The following ROS1 variants were observed in gnomAD, a reference collection of about 807,000 sequenced individuals.
The protein encoded by ROS1 is ROS proto-oncogene 1, receptor tyrosine kinase, also known as proto-oncogene tyrosine-protein kinase ROS.
ROS1 carries 263 observed loss-of-function variants against 273.5 expected under a neutral mutation model. The observed-to-expected ratio is 0.96, with a 90% CI of 0.87 to 1.06. The LOEUF (loss-of-function observed/expected upper bound fraction) is 1.06. ROS1 is among the 50% of genes least tolerant of loss of function. The pLI is 0.00. For missense variants in ROS1, 2,833 were observed against 2,751.1 expected (o/e 1.03, Z -0.67); for synonymous variants, 1,008 against 954.1 (o/e 1.06, Z -1.04).
chr6:117,417,851 C>T (rs1231517593), intron 2 of ROS1, among the ~76,000 whole-genome samples: 1 of 152,198 alleles, frequency 6.6e-6, no homozygotes, highest in African/African-American at 2.4e-5. Context: ...GCCTTGCAGG[C>T]AAGTGAGGTG....
intron 35 of ROS1, among the ~76,000 whole-genome samples, chr6:117,322,040 A>C (rs1203561466): frequency 6.6e-6 from 1 of 151,982 alleles, no homozygotes; most frequent in African/African-American, 2.4e-5. Context: ...TTTAATATTA[A>C]AATACAATTA....
chr6:117,380,253 T>C (rs899039751), intron 17 of ROS1, among the ~76,000 whole-genome samples: 1 of 152,140 alleles, frequency 6.6e-6, no homozygotes, highest in Non-Finnish European at 1.5e-5. Context: ...CAGTGAAAGA[T>C]GTGAAAAGAC....
chr6:117,410,261 G>A (rs1216234229), intron 4 of ROS1, among the ~76,000 whole-genome samples: 1 of 152,142 alleles, frequency 6.6e-6, no homozygotes. Context: ...GAGCTTAGCA[G>A]TACAATTATC....
intron 32 of ROS1, among the ~76,000 whole-genome samples, chr6:117,336,892 T>C (rs889777979): frequency 3.9e-5 from 6 of 152,122 alleles, no homozygotes; most frequent in African/African-American, 1.4e-4. Context: ...TATTTTCATA[T>C]AGTTATCACC....
At chr6:117,417,919 G>T (rs1394368668) in intron 2 of ROS1, among the ~76,000 whole-genome samples, 1 of 152,184 alleles carries the variant, frequency 6.6e-6, no homozygotes, top group African/African-American at 2.4e-5. Context: ...TTCTGGTTCT[G>T]ATGATGCTGT....
At chr6:117,346,179 A>T (rs1778359546) in intron 27 of ROS1, among the ~76,000 whole-genome samples, 1 of 152,150 alleles carries the variant, frequency 6.6e-6, no homozygotes, top group South Asian at 2.1e-4. Flanking sequence ...TCGTTCTTTT[A>T]TTTAATTGAT....
intron 12 of ROS1, among the ~76,000 whole-genome samples, 186 bp downstream of exon 12, chr6:117,393,038 G>A (rs926152013): frequency 6.6e-6 from 1 of 152,104 alleles, no homozygotes; most frequent in East Asian, 1.9e-4. Flanking sequence ...GTTGATTTAT[G>A]TTTGAAAAAA....
At chr6:117,411,783 T>C (rs542398229) in intron 4 of ROS1, among the ~76,000 whole-genome samples, 1 of 152,208 alleles carries the variant, frequency 6.6e-6, no homozygotes, top group Non-Finnish European at 1.5e-5. Context: ...AAGCATGGTT[T>C]TGGGATCTAA....
chr6:117,310,979 C>A, intron 40 of ROS1, 41 bp downstream of exon 40: 1 of 1,269,878 alleles, frequency 7.9e-7, no homozygotes, highest in Non-Finnish European at 1.1e-6. Context: ...GATTATTGTG[C>A]CAATATCCGT....
At chr6:117,332,750 GTAAA>G (rs1439529530) in intron 32 of ROS1, among the ~76,000 whole-genome samples, 1 of 152,078 alleles carries the variant, frequency 6.6e-6, no homozygotes, top group Non-Finnish European at 1.5e-5. Flanking sequence ...TGGCTCCTGG[GTAAA>G]TAATGAAATT....
chr6:117,414,938 C>A lies in ROS1; in HGVS notation c.229-393G>T, dbSNP rs563216744. Among the ~76,000 whole-genome samples, 3 of 152,328 alleles carry A rather than the reference C, an allele frequency of 2.0e-5. No homozygotes were observed. The South Asian group carries it at 6.2e-4, about 32-fold the overall frequency. The stretch of plus-strand genomic sequence containing the variant: ...CAGCAGATTCCTCTGCCCATGCTGG[C>A]CACTGCAGCAGCCACACAGCCTCCT... On this transcript the variant is annotated intron_variant, in intron 3 of 43. Transcript: ENST00000368507.
intron 36 of ROS1, 109 bp from the exon 37 acceptor site, chr6:117,320,139 T>G (rs1776191338): frequency 6.3e-6 from 6 of 947,884 alleles, no homozygotes; most frequent in Non-Finnish European, 9.4e-6. Flanking sequence ...ATCTCATGGC[T>G]TTGCAGTATT....
At chr6:117,331,420 G>A (rs191557047) in intron 32 of ROS1, among the ~76,000 whole-genome samples, 24 of 152,184 alleles carry the variant, frequency 1.6e-4, no homozygotes, top group South Asian at 4.2e-4. Flanking sequence ...AACACCCTTC[G>A]GGATATTATC....
In ROS1 at chr6:117,324,337, G is replaced by C. The variant is rs1365189835; in HGVS notation, c.5618C>G (p.Thr1873Ser). ...GIFLVVTIPL[T>S]FVWHRRLKNQ... ...AAAAATTCTATTATACTTACCAAAG[G>C]TCAGTGGGATTGTAACAACCAGAAA... Residue 1873 changes from threonine to serine, a missense_variant, in exon 35 of 44, where the codon ACC becomes AGC. Physicochemically the swap from Thr to Ser is moderately conservative, Grantham distance 58. Transcript: ENST00000368507. 6.8e-7 allele frequency: 1 copy of C among 1,476,118 alleles called. No homozygotes were observed. Among genetic ancestry groups the C allele is most frequent in the African/African-American group, 1.4e-5 (1 of 71,382 alleles). The allele number at this position is 1,476,118 out of a possible 1,614,324, so 91.4% of individuals were successfully genotyped here.
Position 117,396,193 on chromosome 6 carries a change from G to A in ROS1, c.878C>T (p.Ser293Leu). The A allele has an allele frequency of 1.9e-6, 3 of 1,612,864 alleles. No homozygotes were observed. The highest frequency in any genetic ancestry group is 2.5e-6 in the Non-Finnish European group (3 of 1,178,940). ...EAESSITTSS[S>L]AVQQEEQWLF... ...GGAAGAAGCCTGACCCATACCTGCT[G>A]AAGATGAAGTGGTAATACTAGATTC... The change falls in exon 9 of 44, where the codon TCA (serine) becomes TTA (leucine). Residue 293 changes from serine to leucine, a missense_variant. Physicochemically the swap from Ser to Leu is moderately radical, Grantham distance 145 (BLOSUM62 -2). Coordinates refer to ENST00000368507, the MANE Select transcript of ROS1 (RefSeq NM_001378902.1).
intron 17 of ROS1, among the ~76,000 whole-genome samples, chr6:117,382,246 C>T (rs759156774): frequency 6.6e-6 from 1 of 152,086 alleles, no homozygotes; most frequent in Non-Finnish European, 1.5e-5. Flanking sequence ...GGATATGGTA[C>T]ATAAATTTCC....
chr6:117,425,527 G>A lies in ROS1; in HGVS notation c.123+7C>T. 3.8e-6 allele frequency: 6 copies of A among 1,586,282 alleles called. No homozygotes were observed. Among genetic ancestry groups the A allele is most frequent in the Non-Finnish European group, 5.1e-6 (6 of 1,170,726 alleles). ...TGCAAAGACAAATATTAGATTGTGA[G>A]ACTTACCAGATTAGTTACACACGAC... On this transcript the variant is annotated splice_region_variant and intron_variant, in intron 1 of 43. Transcript: ENST00000368507.
intron 33 of ROS1, chr6:117,328,794 C>T (rs749518163): frequency 1.1e-5 from 7 of 613,360 alleles, no homozygotes; most frequent in Admixed American, 3.7e-5. Context: ...TGGTTTTCAT[C>T]GACGGTGTGT....
chr6:117,418,588 T>C (rs1389510908), intron 1 of ROS1, 82 bp from the exon 2 acceptor site: 4 of 1,008,272 alleles, frequency 4.0e-6, no homozygotes, highest in Non-Finnish European at 5.8e-6. Context: ...AAAAGCTTCC[T>C]GAAATAACGT....
Sources: gnomAD v4.1 joint callset for allele counts (sites outside exome capture counted in the v4.1 genomes callset) on GRCh38, gnomAD v4.1.1 for gene constraint, MANE v1.5 for transcripts, NCBI Gene and HGNC (gene_info 2026-07-23, HGNC 2026-07-21) for gene names.